Variants in CDNF observed in about 807,000 individuals in gnomAD.
CDNF encodes the protein ARMET-like protein 1.
Under a neutral mutation model 14.8 loss-of-function variants are expected in CDNF, and 9 were observed. That is an observed-to-expected ratio of 0.61 (90% CI 0.37 to 1.06). The LOEUF is 1.06. Ranked by LOEUF, CDNF falls within the 50% of genes least tolerant of loss-of-function variation. The probability of loss-of-function intolerance (pLI) is 0.01; values close to 1 mark genes in which losing one functional copy is unlikely to be tolerated. For synonymous variants in CDNF, 86 were observed against 87.2 expected (o/e 0.99, Z 0.07); for missense variants, 228 against 228.4 (o/e 1.00, Z 0.01).
chr10:14,828,849 A>G (rs936359648), intron 1 of CDNF, among the ~76,000 whole-genome samples: 1 of 151,634 alleles, frequency 6.6e-6, no homozygotes, highest in Non-Finnish European at 1.5e-5. Context: ...CTACTAAAAA[A>G]AAAACACAAA....
rs1309070905 is a variant in CDNF, at chr10:14,826,023, A to AAGAAGG, written c.244-409_244-404dup. Among the ~76,000 whole-genome samples, 128 of 115,946 alleles carry AAGAAGG rather than the reference A, an allele frequency of 1.1e-3. 3 individuals carry two copies. The highest frequency in any genetic ancestry group is 4.6e-3 in the African/African-American group (115 of 24,998). The allele number at this position is 115,946 out of a possible 152,430, so 76.1% of individuals were successfully genotyped here. ...GCAGAAGAAGCAGAAGCAGAAGAAG[A>AAGAAGG]AGAAGGAGAAGAAGAAGAAGAAGAA... On this transcript the variant is annotated intron_variant, in intron 2 of 3. Transcript: ENST00000465530.
chr10:14,826,119 C>CAGA (rs59239424), intron 2 of CDNF, among the ~76,000 whole-genome samples: 3,745 of 117,506 alleles, frequency 0.032, 237 homozygotes, highest in African/African-American at 0.057. Flanking sequence ...GCAGCAGCAG[C>CAGA]AGCAGAAGCA....
chr10:14,820,984 A>T (rs1812314942), intron 3 of CDNF, among the ~76,000 whole-genome samples: 1 of 152,080 alleles, frequency 6.6e-6, no homozygotes, highest in African/African-American at 2.4e-5. Context: ...GCAGTCACGT[A>T]AGACATGCCT....
At chr10:14,828,515 C>T (rs1321875905) in intron 1 of CDNF, among the ~76,000 whole-genome samples, 11 of 152,000 alleles carry the variant, frequency 7.2e-5, no homozygotes, top group East Asian at 1.9e-4. Flanking sequence ...GGCATGGTGG[C>T]GCGTGCCTAT....
Position 14,826,050 on chromosome 10 carries a change from A to AAGAAGAAGAAGG in CDNF, c.244-431_244-430insCCTTCTTCTTCT, listed in dbSNP as rs1833781016. On this transcript the variant is annotated intron_variant, in intron 2 of 3. Coordinates refer to ENST00000465530, the MANE Select transcript of CDNF (RefSeq NM_001029954.3). ...GAAGGAGAAGAAGAAGAAGAAGAAG[A>AAGAAGAAGAAGG]AGAAGAAGAAGAAGAAGAAGAAGAA... Among the ~76,000 whole-genome samples, 4 of 126,740 alleles carry AAGAAGAAGAAGG rather than the reference A, an allele frequency of 3.2e-5. No homozygotes were observed. The Admixed American group carries it at 3.3e-4, about 11-fold the overall frequency. The allele number at this position is 126,740 out of a possible 152,430, so 83.1% of individuals were successfully genotyped here. A position where few individuals can be genotyped will look rare whatever the true frequency, so the allele number is the denominator to read the frequency against.
chr10:14,822,723 C>T (rs1224557527), intron 3 of CDNF, among the ~76,000 whole-genome samples: 1 of 152,082 alleles, frequency 6.6e-6, no homozygotes, highest in Non-Finnish European at 1.5e-5. Context: ...TCTTTTTTAC[C>T]TCTGAGTAGT....
At chr10:14,830,470 T>C (rs1393855446) in intron 1 of CDNF, among the ~76,000 whole-genome samples, 1 of 152,228 alleles carries the variant, frequency 6.6e-6, no homozygotes, top group Non-Finnish European at 1.5e-5. Context: ...ATGACTTTTC[T>C]AAGTGGCAGC....
chr10:14,820,447 C>A (rs945484001), intron 3 of CDNF, among the ~76,000 whole-genome samples: 11 of 152,108 alleles, frequency 7.2e-5, no homozygotes, highest in African/African-American at 2.7e-4. Flanking sequence ...ACAAACAGGG[C>A]TGGGCACGGT....
chr10:14,835,782 A>G (rs1833881021), intron 1 of CDNF, among the ~76,000 whole-genome samples: 1 of 152,214 alleles, frequency 6.6e-6, no homozygotes, highest in African/African-American at 2.4e-5. Context: ...TAGGACTCAC[A>G]GACTTGAATA....
At chr10:14,830,488 C>T (rs1833835875) in intron 1 of CDNF, among the ~76,000 whole-genome samples, 1 of 152,068 alleles carries the variant, frequency 6.6e-6, no homozygotes. Context: ...AGCTCTATTT[C>T]TTAGAACTTT....
chr10:14,823,951 G>A (rs187755943), intron 3 of CDNF, among the ~76,000 whole-genome samples: 2 of 152,324 alleles, frequency 1.3e-5, no homozygotes, highest in South Asian at 2.1e-4. Context: ...TGCTTTGCAA[G>A]TTAAGAAATA....
chr10:14,826,023 A>AAGAAGAAGG lies in CDNF; in HGVS notation c.244-404_244-403insCCTTCTTCT, dbSNP rs1564313241. ...GCAGAAGAAGCAGAAGCAGAAGAAG[A>AAGAAGAAGG]AGAAGGAGAAGAAGAAGAAGAAGAA... On this transcript the variant is annotated intron_variant, in intron 2 of 3. Coordinates refer to ENST00000465530, the MANE Select transcript of CDNF (RefSeq NM_001029954.3). 1.1e-3 allele frequency among the ~76,000 whole-genome samples: 123 copies of AAGAAGAAGG among 115,874 alleles called. 4 individuals are homozygous for AAGAAGAAGG. Among genetic ancestry groups the AAGAAGAAGG allele is most frequent in the African/African-American group, 4.5e-3 (113 of 24,936 alleles). 76.0% of individuals were successfully genotyped at this position (115,874 alleles called of 152,430 possible).
intron 2 of CDNF, among the ~76,000 whole-genome samples, chr10:14,826,105 AGCAGCAGCAGCAGC>A (rs1564313481): frequency 0.019 from 2,311 of 122,574 alleles, 85 homozygotes; most frequent in South Asian, 0.088. Context: ...AAGCAGCAGC[AGCAGCAGCAGCAGC>A]AGCAGAAGCA....
intron 1 of CDNF, chr10:14,834,267 G>C (rs999577767): frequency 6.6e-6 from 1 of 151,930 alleles, no homozygotes; most frequent in African/African-American, 2.4e-5. Flanking sequence ...CTTGAGCCTG[G>C]AAGACGGAAG....
chr10:14,828,889 A>T (rs1833821307), intron 1 of CDNF, among the ~76,000 whole-genome samples: 1 of 151,458 alleles, frequency 6.6e-6, no homozygotes, highest in South Asian at 2.1e-4. Flanking sequence ...ACCAGGCATG[A>T]TGGTGAATGC....
At chr10:14,826,063 A>AGAAGAG (rs1833781644) in intron 2 of CDNF, among the ~76,000 whole-genome samples, 1 of 138,622 alleles carries the variant, frequency 7.2e-6, no homozygotes, top group African/African-American at 2.9e-5. Flanking sequence ...AAGAAGAAGA[A>AGAAGAG]GAAGAAGAAG....
intron 2 of CDNF, among the ~76,000 whole-genome samples, chr10:14,826,516 AAGCAGCAGAAGC>A (rs1833798333): frequency 6.6e-6 from 1 of 152,108 alleles, no homozygotes; most frequent in African/African-American, 2.4e-5. Flanking sequence ...GAAGCAGCAG[AAGCAGCAGAAGC>A]AGAAGAAGAA....
At chr10:14,821,854 C>G (rs1833740957) in intron 3 of CDNF, among the ~76,000 whole-genome samples, 1 of 152,108 alleles carries the variant, frequency 6.6e-6, no homozygotes, top group Admixed American at 6.6e-5. Flanking sequence ...TTTGGGATGG[C>G]CTTGGTTTGC....
At chr10:14,826,017 A>G (rs1177928623) in intron 2 of CDNF, among the ~76,000 whole-genome samples, 2 of 124,780 alleles carry the variant, frequency 1.6e-5, no homozygotes, top group African/African-American at 3.8e-5. Flanking sequence ...GCAGAAGCAG[A>G]AGAAGAAGAA....
Sources: gnomAD v4.1 joint callset for allele counts (sites outside exome capture counted in the v4.1 genomes callset) on GRCh38, gnomAD v4.1.1 for gene constraint, MANE v1.5 for transcripts, NCBI Gene and HGNC (gene_info 2026-07-23, HGNC 2026-07-21) for gene names.